FAM174B: variants seen among roughly 807,000 people sequenced by gnomAD.
FAM174B encodes the protein membrane protein FAM174B.
FAM174B carries 12 observed loss-of-function variants against 10.9 expected under a neutral mutation model. The ratio of observed to expected loss-of-function variants is 1.10; its 90% CI spans 0.71 to 1.79. The LOEUF is 1.79. FAM174B is among the 40% of genes most tolerant of loss of function. FAM174B has a pLI of 0.00. For synonymous variants in FAM174B, 132 were observed against 115.8 expected, an observed-to-expected ratio of 1.14 and a Z score of -0.90; for missense variants, 266 against 233.3, an observed-to-expected ratio of 1.14 and a Z score of -0.91.
At position 92,630,237 on chromosome 15, in the gene FAM174B, G is replaced by C. The variant is rs112680504; in HGVS notation, c.453C>G (p.Ser151=). Residue 151 remains serine, a synonymous_variant, in exon 2 of 3, where the codon TCC becomes TCG. Coordinates refer to ENST00000327355, the MANE Select transcript of FAM174B (RefSeq NM_207446.3). The part of the protein sequence containing the change: ...LNEEDDEDED[S]TVFDIKYR ...ACCTGTATTTGATGTCGAATACTGT[G>C]GAGTCCTCATCTTCATCATCCTCTT... The C allele has an allele frequency of 3.6e-3, 5,789 of 1,613,684 alleles. 83 individuals carry two copies. In the African/African-American group the frequency reaches 0.043, roughly 12 times the overall value.
chr15:92,636,141 G>C (rs1030082850), intron 1 of FAM174B, among the ~76,000 whole-genome samples: 1 of 151,170 alleles, frequency 6.6e-6, no homozygotes. Context: ...ATTCTTTAAC[G>C]TGTCTTTTAA....
At position 92,619,181 on chromosome 15, in the gene FAM174B, C is replaced by G. The variant is rs2050701589; in HGVS notation, c.*275G>C. 7.1e-6 allele frequency: 5 copies of G among 702,338 alleles called. No individual in the cohort carries two copies. The highest frequency in any genetic ancestry group is 1.3e-5 in the Non-Finnish European group (5 of 384,724). The allele number at this position is 702,338 out of a possible 1,614,324, so 43.5% of individuals were successfully genotyped here. ...CTACCCTTTGCTCCTTAGCAAGGCA[C>G]AAAGCCTCTTACATGGGGAGTAGAA... On this transcript the variant is annotated 3_prime_UTR_variant, in exon 3 of 3. Coordinates refer to ENST00000327355, the MANE Select transcript of FAM174B (RefSeq NM_207446.3).
intron 1 of FAM174B, among the ~76,000 whole-genome samples, chr15:92,631,640 G>A (rs1389945633): frequency 1.3e-4 from 19 of 145,586 alleles, no homozygotes; most frequent in East Asian, 6.0e-4. Flanking sequence ...GACTACAGGC[G>A]CCCGCCACCA....
rs541424298 is a variant in FAM174B, at chr15:92,632,550, C to T, written c.345-2205G>A. Among the ~76,000 whole-genome samples the T allele has an allele frequency of 9.8e-5, 15 of 152,302 alleles. No homozygotes were observed. In the South Asian group the frequency reaches 2.5e-3, roughly 25 times the overall value. On this transcript the variant is annotated intron_variant, in intron 1 of 2. Coordinates refer to ENST00000327355, the MANE Select transcript of FAM174B (RefSeq NM_207446.3). The stretch of plus-strand genomic sequence containing the variant: ...ATAAAGACAGGGTCGCATTCTATCA[C>T]CTAGGCTGGAGTGCAGTGGTGCAAT...
Position 92,638,978 on chromosome 15 carries a change from T to C in FAM174B, c.345-8633A>G, listed in dbSNP as rs544491371. 1.7e-3 allele frequency among the ~76,000 whole-genome samples: 266 copies of C among 152,332 alleles called. 1 individual carries two copies. The highest frequency in any genetic ancestry group is 3.3e-3 in the Non-Finnish European group (222 of 68,022). On this transcript the variant is annotated intron_variant, in intron 1 of 2. Coordinates refer to ENST00000327355, the MANE Select transcript of FAM174B (RefSeq NM_207446.3). ...AACCCTGAGTGCCAGCTAATGCACA[T>C]GTGATCTCATCACAGCCTCCCGCCA...
intron 2 of FAM174B, among the ~76,000 whole-genome samples, chr15:92,621,408 T>TA (rs1486473828): frequency 1.3e-5 from 2 of 152,112 alleles, no homozygotes; most frequent in African/African-American, 2.4e-5. Flanking sequence ...ACCCAGTAGT[T>TA]AGAGACCAGC....
intron 1 of FAM174B, among the ~76,000 whole-genome samples, chr15:92,652,210 A>T (rs1480204807): frequency 6.6e-6 from 1 of 152,228 alleles, no homozygotes; most frequent in Non-Finnish European, 1.5e-5. Context: ...GCTCAGAAGA[A>T]GTTCGGTGGC....
At chr15:92,631,062 C>T (rs1388376580) in intron 1 of FAM174B, among the ~76,000 whole-genome samples, 1 of 40,214 alleles carries the variant, frequency 2.5e-5, no homozygotes, top group African/African-American at 8.8e-5. Context: ...TTATATATTA[C>T]GTATTACATA....
intron 1 of FAM174B, among the ~76,000 whole-genome samples, chr15:92,631,500 CTTT>C (rs560489141): frequency 1.4e-5 from 1 of 70,424 alleles, no homozygotes; most frequent in Non-Finnish European, 2.7e-5. Flanking sequence ...ATATATAATT[CTTT>C]TTTTTTTTTA....
At chr15:92,649,808 ACTCTC>A (rs1413507400) in intron 1 of FAM174B, among the ~76,000 whole-genome samples, 2 of 152,068 alleles carry the variant, frequency 1.3e-5, no homozygotes, top group Non-Finnish European at 2.9e-5. Flanking sequence ...CTTGCTCTCT[ACTCTC>A]TTTTTTAAAG....
At chr15:92,637,781 A>G (rs777729930) in intron 1 of FAM174B, among the ~76,000 whole-genome samples, 6 of 152,102 alleles carry the variant, frequency 3.9e-5, no homozygotes, top group Admixed American at 1.3e-4. Context: ...CAGAGACTAC[A>G]CGGCTGTGAT....
At chr15:92,630,741 T>TTTTTATATTATATAATTATATA (rs1567044584) in intron 1 of FAM174B, among the ~76,000 whole-genome samples, 4 of 79,418 alleles carry the variant, frequency 5.0e-5, no homozygotes, top group African/African-American at 2.2e-4. Context: ...TAATTATATA[T>TTTTTATATTATATAATTATATA]TTTTTATATT....
Position 92,655,668 on chromosome 15 carries a change from G to C in FAM174B, c.-9C>G. 1.6e-6 allele frequency: 2 copies of C among 1,258,562 alleles called. No homozygotes were observed. Among genetic ancestry groups the C allele is most frequent in the Non-Finnish European group, 2.0e-6 (2 of 1,006,740 alleles). The allele number at this position is 1,258,562 out of a possible 1,614,324, so 78.0% of individuals were successfully genotyped here. A position where few individuals can be genotyped will look rare whatever the true frequency, so the allele number is the denominator to read the frequency against. On this transcript the variant is annotated 5_prime_UTR_variant, in exon 1 of 3. Coordinates refer to ENST00000327355, the MANE Select transcript of FAM174B (RefSeq NM_207446.3). The stretch of plus-strand genomic sequence containing the variant: ...AGCGGCACGGCGCGCATAGTGCGGT[G>C]GGTCGGCACAGGATCGGGCAGGGCG...
chr15:92,630,831 TATTATA>T, intron 1 of FAM174B, among the ~76,000 whole-genome samples: 3 of 30,958 alleles, frequency 9.7e-5, no homozygotes, highest in Non-Finnish European at 1.1e-4. Context: ...ACATATTATA[TATTATA>T]TATATTACAT....
intron 1 of FAM174B, among the ~76,000 whole-genome samples, chr15:92,647,128 G>GGGC: frequency 6.6e-6 from 1 of 152,302 alleles, no homozygotes; most frequent in Middle Eastern, 3.4e-3. Context: ...CACAGAGTCC[G>GGGC]TTACACAGTA....
At chr15:92,644,530 G>A (rs911119961) in intron 1 of FAM174B, among the ~76,000 whole-genome samples, 6 of 152,080 alleles carry the variant, frequency 3.9e-5, no homozygotes, top group African/African-American at 1.2e-4. Flanking sequence ...AGAGGCTGGG[G>A]AGACCCTGGA....
intron 1 of FAM174B, among the ~76,000 whole-genome samples, chr15:92,637,146 C>A (rs939293440): frequency 6.6e-6 from 1 of 152,200 alleles, no homozygotes; most frequent in Non-Finnish European, 1.5e-5. Flanking sequence ...TGCTACCCCC[C>A]AGGCCATGGC....
At chr15:92,629,354 A>C (rs893028117) in intron 2 of FAM174B, among the ~76,000 whole-genome samples, 3 of 152,218 alleles carry the variant, frequency 2.0e-5, no homozygotes, top group Non-Finnish European at 2.9e-5. Context: ...ACAATCCTAA[A>C]GTCACAAAGT....
chr15:92,622,856 G>A (rs2050728680), intron 2 of FAM174B, among the ~76,000 whole-genome samples: 1 of 152,160 alleles, frequency 6.6e-6, no homozygotes, highest in South Asian at 2.1e-4. Context: ...CTTGCCAGGT[G>A]GTCTTAGAAG....
Sources: gnomAD v4.1 joint callset for allele counts (sites outside exome capture counted in the v4.1 genomes callset) on GRCh38, gnomAD v4.1.1 for gene constraint, MANE v1.5 for transcripts, NCBI Gene and HGNC (gene_info 2026-07-23, HGNC 2026-07-21) for gene names.